TRIM48: variants seen among roughly 807,000 people sequenced by gnomAD.
TRIM48 encodes tripartite motif containing 48, also known as E3 ubiquitin-protein ligase TRIM48.
In TRIM48, 31 loss-of-function variants were observed where a neutral mutation model predicts 29.5. The observed-to-expected ratio is 1.05, with a 90% CI of 0.79 to 1.42. The LOEUF is 1.42. TRIM48 is among the 40% of genes most tolerant of loss of function. The pLI is 0.00. For missense variants in TRIM48, 344 were observed against 265.0 expected (o/e 1.30, Z -2.07); for synonymous variants, 128 against 90.6 (o/e 1.41, Z -2.34).
intron 1 of TRIM48, among the ~76,000 whole-genome samples, chr11:55,262,850 C>T (rs904759556): frequency 2.0e-5 from 3 of 152,058 alleles, no homozygotes; most frequent in East Asian, 3.9e-4. Flanking sequence ...ATGGTGGTTG[C>T]CATCTCACTT....
rs1401808356 is a variant in TRIM48 at position 55,265,302 on chromosome 11, T to G, written c.447T>G (p.Ala149=). The G allele has an allele frequency of 7.0e-6, 11 of 1,582,178 alleles. 1 individual carries two copies. The highest frequency in any genetic ancestry group is 9.4e-6 in the Non-Finnish European group (11 of 1,166,102). ...YHRHCPAEWA[A]EEHWEKLLKK... ...GACACTGTCCCGCTGAGTGGGCTGC[T>G]GAGGAACACTGGGTAAGTGATGCCT... Residue 149 remains alanine (A), a synonymous_variant, in exon 2 of 6, where the codon GCT becomes GCG. Transcript: ENST00000417545.
At chr11:55,269,474 C>T (rs1210819710) in intron 5 of TRIM48, 135 bp downstream of exon 5, 17 of 1,219,456 alleles carry the variant, frequency 1.4e-5, no homozygotes, top group Non-Finnish European at 1.9e-5. Flanking sequence ...TCATGCAACC[C>T]TTTTGTATCT....
intron 1 of TRIM48, 34 bp from the exon 2 acceptor site, chr11:55,264,866 A>G (rs776195395): frequency 6.3e-7 from 1 of 1,582,298 alleles, no homozygotes; most frequent in Admixed American, 1.7e-5. Context: ...ATCAACCCAG[A>G]CCCCAAAATG....
chr11:55,264,240 A>AT (rs773464739), intron 1 of TRIM48, among the ~76,000 whole-genome samples: 6 of 147,458 alleles, frequency 4.1e-5, no homozygotes, highest in Non-Finnish European at 7.5e-5. Flanking sequence ...ATCTTTAATG[A>AT]TTTTTTCTCT....
intron 3 of TRIM48, among the ~76,000 whole-genome samples, 183 bp from the exon 4 acceptor site, chr11:55,268,167 C>A (rs1412880790): frequency 6.8e-6 from 1 of 147,112 alleles, no homozygotes; most frequent in East Asian, 2.2e-4. Context: ...TTTCCCGGGA[C>A]ATTAATTAGT....
At chr11:55,269,564 G>A (rs976020468) in intron 5 of TRIM48, among the ~76,000 whole-genome samples, 4 of 147,712 alleles carry the variant, frequency 2.7e-5, no homozygotes, top group Non-Finnish European at 4.5e-5. Flanking sequence ...TATGTACTGA[G>A]TAATGTAATG....
chr11:55,263,474 G>A (rs1466948928), intron 1 of TRIM48, among the ~76,000 whole-genome samples: 4 of 151,528 alleles, frequency 2.6e-5, no homozygotes, highest in South Asian at 2.1e-4. Flanking sequence ...CCAACATGGC[G>A]AAACCTCATC....
At chr11:55,266,523 T>G (rs190727964) in intron 3 of TRIM48, among the ~76,000 whole-genome samples, 1,619 of 147,556 alleles carry the variant, frequency 0.011, 149 homozygotes, top group Non-Finnish European at 0.017. Flanking sequence ...ATGGTCAACA[T>G]GCAAATATGT....
At chr11:55,263,042 G>T (rs1400696735) in intron 1 of TRIM48, among the ~76,000 whole-genome samples, 1 of 152,070 alleles carries the variant, frequency 6.6e-6, no homozygotes, top group Non-Finnish European at 1.5e-5. Flanking sequence ...ATTAGTCAGG[G>T]CTCTCCAGAC....
At chr11:55,266,772 G>T (rs1462165091) in intron 3 of TRIM48, among the ~76,000 whole-genome samples, 2 of 147,766 alleles carry the variant, frequency 1.4e-5, no homozygotes, top group South Asian at 2.4e-4. Context: ...GTGTGTGTGT[G>T]TCTGTGTGTA....
In TRIM48 at chr11:55,270,776, A is replaced by G; in HGVS notation, c.*341A>G. 2 of 1,573,682 alleles carry G rather than the reference A, an allele frequency of 1.3e-6. 1 individual carries two copies. The highest frequency in any genetic ancestry group is 1.7e-6 in the Non-Finnish European group (2 of 1,156,928). On this transcript the variant is annotated 3_prime_UTR_variant, in exon 6 of 6. Coordinates refer to ENST00000417545, the MANE Select transcript of TRIM48 (RefSeq NM_024114.5). ...TTTACCACCTCCCCAATTACACTGC[A>G]GTATGTCCCAAGACCTACCAACCAT...
rs1000612077 is a variant in TRIM48 at position 55,267,653 on chromosome 11, T to A, written c.556-697T>A. Reference sequence around the variant, plus strand: ...AGCTACTTCAGGTACAAACTCGCAATGTGGTTTCAGGTTTTTGACTATTCA... The same window carrying A: ...AGCTACTTCAGGTACAAACTCGCAAAGTGGTTTCAGGTTTTTGACTATTCA... On this transcript the variant is annotated intron_variant, in intron 3 of 5. Transcript: ENST00000417545. 57 of 1,565,786 alleles carry A rather than the reference T, an allele frequency of 3.6e-5. 7 individuals are homozygous for A. The highest frequency in any genetic ancestry group is 4.8e-5 in the Non-Finnish European group (55 of 1,153,480).
chr11:55,269,034 T>G (rs1232310003), intron 4 of TRIM48, among the ~76,000 whole-genome samples: 1 of 148,356 alleles, frequency 6.7e-6, no homozygotes, highest in African/African-American at 2.5e-5. Flanking sequence ...ATAAGAAACA[T>G]CAGACTGAAT....
At chr11:55,267,014 T>C (rs976046341) in intron 3 of TRIM48, among the ~76,000 whole-genome samples, 1 of 148,022 alleles carries the variant, frequency 6.8e-6, no homozygotes, top group Non-Finnish European at 1.5e-5. Flanking sequence ...TCATTTCATA[T>C]ATAATGAGTT....
chr11:55,265,573 G>A (rs775179559), intron 2 of TRIM48, 27 bp from the exon 3 acceptor site: 21 of 1,574,730 alleles, frequency 1.3e-5, no homozygotes, highest in East Asian at 2.4e-5. Flanking sequence ...GTCTTCACTG[G>A]TGCTTCAATT....
chr11:55,265,825 A>G, intron 3 of TRIM48, 130 bp downstream of exon 3: 8 of 1,158,810 alleles, frequency 6.9e-6, no homozygotes, highest in South Asian at 1.8e-5. Context: ...AGAAGAAAAC[A>G]TTGAGAAAAA....
At position 55,267,611 on chromosome 11, in the gene TRIM48, C is replaced by T. The variant is rs552090747; in HGVS notation, c.556-739C>T. On this transcript the variant is annotated intron_variant, in intron 3 of 5. Transcript: ENST00000417545. The stretch of plus-strand genomic sequence containing the variant: ...TGTAAGCGGAGCTGATGAAAATGTG[C>T]CATAAACCACATGTGGAGCTACTTC... 1.9e-5 allele frequency: 29 copies of T among 1,561,456 alleles called. 6 individuals are homozygous for T. The South Asian group carries it at 3.3e-4, about 18-fold the overall frequency.
At chr11:55,262,419 T>G (rs1857316782) in intron 1 of TRIM48, 108 bp downstream of exon 1, 10 of 794,480 alleles carry the variant, frequency 1.3e-5, no homozygotes, top group Non-Finnish European at 1.9e-5. Flanking sequence ...TGATACCATC[T>G]GTAATTCATA....
chr11:55,269,995 G>A (rs189243694), intron 5 of TRIM48, among the ~76,000 whole-genome samples: 3 of 148,052 alleles, frequency 2.0e-5, no homozygotes, highest in East Asian at 2.1e-4. Flanking sequence ...CTTATGACAT[G>A]TACTTATGGA....
Sources: allele counts gnomAD v4.1 joint callset (sites outside exome capture counted in the v4.1 genomes callset), GRCh38; gene constraint gnomAD v4.1.1; transcripts MANE v1.5; gene names NCBI Gene and HGNC (gene_info 2026-07-23, HGNC 2026-07-21).